The following SMIM10L3 variants were observed in gnomAD, a reference collection of about 807,000 sequenced individuals.
SMIM10L3 encodes the protein salivary gland specific protein SAGSIN1.
chr7:6,335,521 C>T, the SMIM10L3 span, among the ~76,000 whole-genome samples: 3 of 133,236 alleles, frequency 2.3e-5, no homozygotes, highest in East Asian at 6.4e-4. Context: ...AGCCTCCGTG[C>T]CCAGCCTAGC....
At chr7:6,348,235 G>GC in the SMIM10L3 span, among the ~76,000 whole-genome samples, 3 of 151,064 alleles carry the variant, frequency 2.0e-5, no homozygotes, top group Non-Finnish European at 2.9e-5. Context: ...AAAAATAAGG[G>GC]GGGGGGTTGC....
the SMIM10L3 span, among the ~76,000 whole-genome samples, chr7:6,335,324 G>C: frequency 6.6e-6 from 1 of 151,728 alleles, no homozygotes; most frequent in African/African-American, 2.4e-5. Context: ...CTGGGTTCAA[G>C]TGATTCTCCT....
chr7:6,330,508 A>T, the SMIM10L3 span: 6 of 1,614,206 alleles, frequency 3.7e-6, no homozygotes, highest in Non-Finnish European at 2.5e-6. Context: ...CATGGGCTTT[A>T]AACGGTCAAG....
chr7:6,334,943 T>G, the SMIM10L3 span, among the ~76,000 whole-genome samples: 25 of 150,712 alleles, frequency 1.7e-4, no homozygotes, highest in Non-Finnish European at 1.6e-4. Flanking sequence ...CAATTTTGTA[T>G]TTTTAATAGA....
chr7:6,336,524 T>C, the SMIM10L3 span, among the ~76,000 whole-genome samples: 3,478 of 151,904 alleles, frequency 0.023, 67 homozygotes, highest in Middle Eastern at 0.041. Context: ...CTACTAAAAA[T>C]ACAAAAATTA....
the SMIM10L3 span, among the ~76,000 whole-genome samples, chr7:6,339,123 G>A: frequency 6.6e-6 from 1 of 152,144 alleles, no homozygotes; most frequent in East Asian, 1.9e-4. Flanking sequence ...TGATCACAAG[G>A]AACACACTAA....
chr7:6,333,168 C>CAAAAAAAAAAAAAAAAA, the SMIM10L3 span, among the ~76,000 whole-genome samples: 2 of 127,994 alleles, frequency 1.6e-5, no homozygotes, highest in African/African-American at 5.5e-5. Flanking sequence ...ATAAAAAAAT[C>CAAAAAAAAAAAAAAAAA]AAAAAAAAAA....
chr7:6,334,067 C>A, the SMIM10L3 span, among the ~76,000 whole-genome samples: 1 of 151,086 alleles, frequency 6.6e-6, no homozygotes, highest in African/African-American at 2.4e-5. Context: ...AGGATGGAAT[C>A]TATCTCCTGA....
chr7:6,345,039 C>A, the SMIM10L3 span, among the ~76,000 whole-genome samples: 2 of 151,990 alleles, frequency 1.3e-5, no homozygotes, highest in Admixed American at 1.3e-4. Context: ...CCACCACGCC[C>A]GGCCACTGCG....
At chr7:6,348,020 G>A in the SMIM10L3 span, among the ~76,000 whole-genome samples, 2 of 151,312 alleles carry the variant, frequency 1.3e-5, no homozygotes, top group African/African-American at 4.9e-5. Context: ...CAGCGATTCT[G>A]CCGCCTCAGC....
the SMIM10L3 span, among the ~76,000 whole-genome samples, chr7:6,346,839 G>A: frequency 6.6e-6 from 1 of 152,178 alleles, no homozygotes. Flanking sequence ...CTGCAGTGTG[G>A]TGGTTCTACT....
chr7:6,330,014 C>G, the SMIM10L3 span: 49 of 245,102 alleles, frequency 2.0e-4, no homozygotes, highest in Non-Finnish European at 4.0e-4. Context: ...ATTGGGTGAT[C>G]AGACAAGTCA....
chr7:6,347,290 A>C, the SMIM10L3 span, among the ~76,000 whole-genome samples: 1 of 152,192 alleles, frequency 6.6e-6, no homozygotes, highest in South Asian at 2.1e-4. Context: ...CGAGGCGGGC[A>C]GATCACTTGA....
chr7:6,343,370 T>TC, the SMIM10L3 span, among the ~76,000 whole-genome samples: 1 of 137,866 alleles, frequency 7.3e-6, no homozygotes, highest in East Asian at 2.0e-4. Flanking sequence ...AGAGTGAAAC[T>TC]CCGTCTCAAA....
chr7:6,330,684 G>A, the SMIM10L3 span: 30 of 1,613,984 alleles, frequency 1.9e-5, no homozygotes, highest in Non-Finnish European at 2.5e-5. Context: ...CTTTTTGATG[G>A]CGTGGCAGTC....
the SMIM10L3 span, among the ~76,000 whole-genome samples, chr7:6,343,617 T>A: frequency 1.3e-5 from 2 of 151,790 alleles, no homozygotes; most frequent in Non-Finnish European, 2.9e-5. Context: ...AGATTCTGTA[T>A]AAATAAGAAG....
At chr7:6,348,782 C>G in the SMIM10L3 span, 4 of 396,250 alleles carry the variant, frequency 1.0e-5, no homozygotes, top group Admixed American at 4.4e-5. Flanking sequence ...CTCCCACAGC[C>G]CCCCCGCCCG....
the SMIM10L3 span, among the ~76,000 whole-genome samples, chr7:6,340,421 C>T: frequency 1.1e-4 from 16 of 152,118 alleles, no homozygotes; most frequent in Non-Finnish European, 2.2e-4. Context: ...ACAGCCCCAA[C>T]ATGGGTAAGT....
the SMIM10L3 span, among the ~76,000 whole-genome samples, chr7:6,347,906 T>TATTATTATC: frequency 1.4e-5 from 2 of 146,508 alleles, no homozygotes; most frequent in South Asian, 4.2e-4. Flanking sequence ...TTATTATTAT[T>TATTATTATC]ATTATTATTA....
Sources: gnomAD v4.1 joint callset for allele counts (sites outside exome capture counted in the v4.1 genomes callset) on GRCh38, gnomAD v4.1.1 for gene constraint, MANE v1.5 for transcripts, NCBI Gene and HGNC (gene_info 2026-07-23, HGNC 2026-07-21) for gene names.